Variants in GALNT13 observed in about 807,000 individuals in gnomAD.
GALNT13 encodes the protein polypeptide N-acetylgalactosaminyltransferase 13, also known as UDP-GalNAc:polypeptide N-acetylgalactosaminyltransferase 13.
GALNT13 carries 28 observed loss-of-function variants against 64.2 expected under a neutral mutation model. That is an observed-to-expected ratio of 0.44 (90% confidence interval 0.32 to 0.60). The LOEUF (loss-of-function observed/expected upper bound fraction) is 0.60, where lower values mean the gene tolerates loss of function less well. GALNT13 is among the 20% of genes least tolerant of loss of function. GALNT13 has a pLI of 0.05. For missense variants in GALNT13, 577 were observed against 669.8 expected, an observed-to-expected ratio of 0.86 and a Z score of 1.53; for synonymous variants, 214 against 224.6, an observed-to-expected ratio of 0.95 and a Z score of 0.42.
At chr2:153,601,799 G>C in the GALNT13 span, among the ~76,000 whole-genome samples, 1 of 151,694 alleles carries the variant, frequency 6.6e-6, no homozygotes, top group Admixed American at 6.6e-5. Context: ...TGCTAAAAAA[G>C]ACACTACCAA....
intron 3 of GALNT13, among the ~76,000 whole-genome samples, chr2:154,064,528 T>A (rs190847989): frequency 6.2e-4 from 94 of 152,216 alleles, no homozygotes; most frequent in African/African-American, 2.2e-3. Context: ...TCTTGGAACT[T>A]GGATACCAGC....
At chr2:153,315,406 C>A in the GALNT13 span, among the ~76,000 whole-genome samples, 2 of 152,172 alleles carry the variant, frequency 1.3e-5, no homozygotes, top group East Asian at 3.8e-4. Flanking sequence ...AATCACCTCC[C>A]AGGAGCCCCA....
chr2:153,393,616 C>CA, the GALNT13 span, among the ~76,000 whole-genome samples: 1 of 151,972 alleles, frequency 6.6e-6, no homozygotes, highest in African/African-American at 2.4e-5. Context: ...GGTACCTGGA[C>CA]AGTTGGTGGA....
intron 2 of GALNT13, among the ~76,000 whole-genome samples, chr2:153,913,134 GT>G (rs1689073989): frequency 6.6e-6 from 1 of 152,188 alleles, no homozygotes; most frequent in African/African-American, 2.4e-5. Flanking sequence ...CACACTGGTG[GT>G]GGTGGCTGCC....
chr2:154,358,006 T>C (rs980344293), intron 9 of GALNT13, among the ~76,000 whole-genome samples: 1 of 152,110 alleles, frequency 6.6e-6, no homozygotes, highest in African/African-American at 2.4e-5. Context: ...TGTGTATATC[T>C]GAGCTTTGAG....
chr2:153,347,878 A>C, the GALNT13 span, among the ~76,000 whole-genome samples: 1 of 152,172 alleles, frequency 6.6e-6, no homozygotes, highest in Non-Finnish European at 1.5e-5. Flanking sequence ...TATCTATGTG[A>C]AAGCATGTAA....
the GALNT13 span, among the ~76,000 whole-genome samples, chr2:153,837,505 A>T: frequency 2.6e-5 from 4 of 151,922 alleles, no homozygotes; most frequent in African/African-American, 9.7e-5. Flanking sequence ...ATTATGCAGT[A>T]TTTGCCTTTC....
At chr2:154,181,360 C>G (rs191672615) in intron 4 of GALNT13, among the ~76,000 whole-genome samples, 127 of 152,166 alleles carry the variant, frequency 8.3e-4, no homozygotes, top group Non-Finnish European at 7.8e-4. Context: ...ACTCCTCAGC[C>G]TTGCTACCAA....
the GALNT13 span, among the ~76,000 whole-genome samples, chr2:153,848,283 T>A: frequency 6.6e-6 from 1 of 152,168 alleles, no homozygotes; most frequent in Non-Finnish European, 1.5e-5. Flanking sequence ...TTGAAGTTGC[T>A]CACTGTTAGT....
At chr2:154,205,983 T>G (rs1011752609) in intron 4 of GALNT13, among the ~76,000 whole-genome samples, 18 of 151,798 alleles carry the variant, frequency 1.2e-4, no homozygotes, top group African/African-American at 4.4e-4. Context: ...ACAATTATGA[T>G]TTTCCTTTTA....
At chr2:154,014,619 C>T in intron 3 of GALNT13, among the ~76,000 whole-genome samples, 2 of 114,770 alleles carry the variant, frequency 1.7e-5, no homozygotes, top group South Asian at 2.8e-4. Context: ...TACTTTTTGT[C>T]TTTCTGATAA....
chr2:153,584,532 C>G, the GALNT13 span, among the ~76,000 whole-genome samples: 1 of 152,232 alleles, frequency 6.6e-6, no homozygotes, highest in Non-Finnish European at 1.5e-5. Flanking sequence ...ACCACTACTA[C>G]CACCATTCCC....
At chr2:154,131,272 G>A (rs1000279064) in intron 3 of GALNT13, among the ~76,000 whole-genome samples, 6 of 152,124 alleles carry the variant, frequency 3.9e-5, no homozygotes, top group African/African-American at 1.2e-4. Flanking sequence ...AGCTTAATGT[G>A]TATTAGTAGA....
chr2:153,742,741 G>A, the GALNT13 span, among the ~76,000 whole-genome samples: 1 of 151,790 alleles, frequency 6.6e-6, no homozygotes, highest in Admixed American at 6.6e-5. Context: ...TGCTACAAAG[G>A]GTGTGATCTC....
At chr2:154,298,178 A>G (rs913870379) in intron 8 of GALNT13, among the ~76,000 whole-genome samples, 2 of 151,688 alleles carry the variant, frequency 1.3e-5, no homozygotes, top group African/African-American at 4.8e-5. Flanking sequence ...ATAAACATAT[A>G]AGAAGAGGAA....
At chr2:153,795,090 T>C in the GALNT13 span, among the ~76,000 whole-genome samples, 3 of 152,178 alleles carry the variant, frequency 2.0e-5, no homozygotes, top group African/African-American at 7.2e-5. Flanking sequence ...AGGGTGGTTG[T>C]GAGTGCCCCA....
chr2:153,822,511 G>C, the GALNT13 span, among the ~76,000 whole-genome samples: 2 of 152,016 alleles, frequency 1.3e-5, no homozygotes, highest in Admixed American at 6.6e-5. Context: ...CATATAAAAA[G>C]CTTTTGATAA....
At chr2:153,855,247 A>G in the GALNT13 span, among the ~76,000 whole-genome samples, 1 of 152,228 alleles carries the variant, frequency 6.6e-6, no homozygotes, top group Non-Finnish European at 1.5e-5. Context: ...TAATCCTTCT[A>G]GAAATGTAAC....
chr2:154,043,946 G>C (rs1342059912), intron 3 of GALNT13, among the ~76,000 whole-genome samples: 1 of 151,994 alleles, frequency 6.6e-6, no homozygotes, highest in Non-Finnish European at 1.5e-5. Flanking sequence ...GGTGGCATGT[G>C]CCTGTAGTCC....
Sources: allele counts gnomAD v4.1 joint callset (sites outside exome capture counted in the v4.1 genomes callset), GRCh38; gene constraint gnomAD v4.1.1; transcripts MANE v1.5; gene names NCBI Gene and HGNC (gene_info 2026-07-23, HGNC 2026-07-21).